The following LTBP2 variants were observed in gnomAD, a reference collection of about 807,000 sequenced individuals.
The protein encoded by LTBP2 is latent-transforming growth factor beta-binding protein 2.
In LTBP2, 103 loss-of-function variants were observed where a neutral mutation model predicts 210.6. The observed-to-expected ratio is 0.49, with a 90% CI of 0.42 to 0.58. The LOEUF (loss-of-function observed/expected upper bound fraction) is 0.58. Ranked by LOEUF, LTBP2 falls within the 20% of genes least tolerant of loss-of-function variation. The pLI is 0.00. For missense variants in LTBP2, 2,313 were observed against 2,494.5 expected (o/e 0.93, Z 1.55); for synonymous variants, 1,007 against 1,015.0 (o/e 0.99, Z 0.15).
At chr14:74,574,285 A>C (rs1202359918) in intron 3 of LTBP2, among the ~76,000 whole-genome samples, 3 of 152,146 alleles carry the variant, frequency 2.0e-5, no homozygotes, top group Non-Finnish European at 4.4e-5. Context: ...AGTGCTAGTC[A>C]ATCTTAACCC....
intron 1 of LTBP2, among the ~76,000 whole-genome samples, chr14:74,609,945 G>A (rs1219400168): frequency 6.6e-6 from 1 of 152,234 alleles, no homozygotes; most frequent in Non-Finnish European, 1.5e-5. Context: ...AACACAGCAG[G>A]TGCTTTCCAC....
At chr14:74,504,709 A>G in intron 30 of LTBP2, 69 bp downstream of exon 30, 17 of 1,460,128 alleles carry the variant, frequency 1.2e-5, no homozygotes, top group Non-Finnish European at 1.6e-5. Flanking sequence ...TTCCCCAGGG[A>G]CCCTGTGGAG....
intron 3 of LTBP2, among the ~76,000 whole-genome samples, chr14:74,561,975 C>T (rs546611553): frequency 2.0e-5 from 3 of 152,146 alleles, no homozygotes; most frequent in East Asian, 1.9e-4. Context: ...TTTGGGAGGC[C>T]GAGGCGGATG....
intron 30 of LTBP2, 75 bp downstream of exon 30, chr14:74,504,703 C>T: frequency 6.9e-7 from 1 of 1,443,358 alleles, no homozygotes; most frequent in Non-Finnish European, 9.7e-7. Context: ...CAGAACTTCC[C>T]CAGGGACCCT....
In LTBP2 at chr14:74,552,225, T is replaced by C; in HGVS notation, c.1361A>G (p.Lys454Arg). ...GAGCGGCAGTGTGAAAGTGGACTGC[T>C]TCAGTGGGGCTTCCAGCAAGGCCCT... Reference protein sequence around the residue: ...RPRALLEAPLKQSTFTLPLSN... With the variant: ...RPRALLEAPLRQSTFTLPLSN... Residue 454 changes from lysine to arginine, a missense_variant, in exon 6 of 36, where the codon AAG (lysine) becomes AGG (arginine). By Grantham distance (26) the Lys-to-Arg change is conservative (BLOSUM62 2). Transcript: ENST00000261978. 7 of 1,612,108 alleles carry C rather than the reference T, an allele frequency of 4.3e-6. No homozygotes were observed. The highest frequency in any genetic ancestry group is 5.9e-6 in the Non-Finnish European group (7 of 1,179,542).
chr14:74,543,597 C>T (rs535514447), intron 8 of LTBP2, among the ~76,000 whole-genome samples: 11 of 152,148 alleles, frequency 7.2e-5, no homozygotes, highest in Non-Finnish European at 1.2e-4. Context: ...GGCTGGCATG[C>T]TGGCCCACTG....
chr14:74,568,289 C>CAT (rs1261730724), intron 3 of LTBP2, among the ~76,000 whole-genome samples: 1 of 152,148 alleles, frequency 6.6e-6, no homozygotes, highest in Non-Finnish European at 1.5e-5. Context: ...GCGAGCATTT[C>CAT]ATAACAATCC....
At chr14:74,572,338 AGAGT>A (rs1277691286) in intron 3 of LTBP2, among the ~76,000 whole-genome samples, 3 of 149,342 alleles carry the variant, frequency 2.0e-5, no homozygotes, top group East Asian at 2.0e-4. Context: ...AGAGAGAGAG[AGAGT>A]GTGTGTGTGT....
chr14:74,593,524 C>T (rs779244376), intron 2 of LTBP2, among the ~76,000 whole-genome samples: 5 of 152,174 alleles, frequency 3.3e-5, no homozygotes, highest in African/African-American at 4.8e-5. Context: ...AGCACCTGGA[C>T]GTGGGTGTAC....
intron 2 of LTBP2, among the ~76,000 whole-genome samples, chr14:74,597,379 G>A (rs535815253): frequency 6.6e-6 from 1 of 152,350 alleles, no homozygotes; most frequent in East Asian, 1.9e-4. Flanking sequence ...CCAACATTAA[G>A]ACGTCAGGTA....
intron 8 of LTBP2, among the ~76,000 whole-genome samples, chr14:74,546,594 T>G (rs1210672920): frequency 1.3e-5 from 2 of 152,214 alleles, no homozygotes. Flanking sequence ...CGCGCTGAGA[T>G]GTTCTGAACA....
At chr14:74,601,380 T>TAATTTAATTAATTAATTA in intron 2 of LTBP2, among the ~76,000 whole-genome samples, 1 of 152,192 alleles carries the variant, frequency 6.6e-6, no homozygotes, top group East Asian at 1.9e-4. Context: ...ACCTTGTCTC[T>TAATTTAATTAATTAATTA]ACAAAAAATT....
intron 17 of LTBP2, among the ~76,000 whole-genome samples, chr14:74,518,632 A>G (rs531107531): frequency 1.2e-4 from 18 of 152,368 alleles, no homozygotes; most frequent in East Asian, 5.8e-4. Context: ...CAGAACCCCA[A>G]TAAGTGCTTA....
In LTBP2 at chr14:74,585,876, C is replaced by G. The variant is rs1398441036; in HGVS notation, c.808G>C (p.Ala270Pro). 1 of 1,613,314 alleles carries G rather than the reference C, an allele frequency of 6.2e-7. No homozygotes were observed. Among genetic ancestry groups the G allele is most frequent in the Non-Finnish European group, 8.5e-7 (1 of 1,179,270 alleles). ...TACCCAGCTGGTGGCGACTGTGGTG[C>G]GGGCGGCGACTGTGGTGCTGGCGGC... ...AQPPAPQSPP[A>P]PQSPPAGTLS... Residue 270 changes from alanine (A) to proline (P), a missense_variant, in exon 3 of 36, where the codon GCA becomes CCA. Transcript: ENST00000261978.
chr14:74,533,950 G>A (rs1184321056), intron 9 of LTBP2, among the ~76,000 whole-genome samples: 2 of 152,046 alleles, frequency 1.3e-5, no homozygotes, highest in Non-Finnish European at 2.9e-5. Flanking sequence ...GGTAACACAG[G>A]CAGCCCTGTG....
At chr14:74,540,718 T>C (rs1471695105) in intron 8 of LTBP2, among the ~76,000 whole-genome samples, 7 of 138,254 alleles carry the variant, frequency 5.1e-5, no homozygotes, top group African/African-American at 1.6e-4. Context: ...TGAGCCGAGA[T>C]TGAGCCACTG....
rs1337346167 is a variant in LTBP2 at position 74,563,758 on chromosome 14, G to A, written c.831-8065C>T. ...ACTGGTTTTGCTCTCCAATGGCACC[G>A]CTGAGTAGTTGCAGAAACCATATGT... On this transcript the variant is annotated intron_variant, in intron 3 of 35. Coordinates refer to ENST00000261978, the MANE Select transcript of LTBP2 (RefSeq NM_000428.3). 4.6e-5 allele frequency among the ~76,000 whole-genome samples: 7 copies of A among 151,852 alleles called. No homozygotes were observed. In the East Asian group the frequency reaches 5.8e-4, roughly 13 times the overall value.
At chr14:74,520,117 C>G (rs760337977) in intron 17 of LTBP2, among the ~76,000 whole-genome samples, 1 of 152,258 alleles carries the variant, frequency 6.6e-6, no homozygotes, top group Non-Finnish European at 1.5e-5. Context: ...TAGCCCTGCT[C>G]CAGTCATACT....
intron 10 of LTBP2, among the ~76,000 whole-genome samples, chr14:74,530,365 G>T (rs2087335115): frequency 6.6e-6 from 1 of 152,234 alleles, no homozygotes; most frequent in Admixed American, 6.5e-5. Context: ...AAGGCTGAGA[G>T]GGTGTAGGCC....
Sources: gnomAD v4.1 joint callset for allele counts (sites outside exome capture counted in the v4.1 genomes callset) on GRCh38, gnomAD v4.1.1 for gene constraint, MANE v1.5 for transcripts, NCBI Gene and HGNC (gene_info 2026-07-23, HGNC 2026-07-21) for gene names.